Variants in CDON observed in about 807,000 individuals in gnomAD.
CDON encodes cell adhesion associated, oncogene regulated.
CDON carries 73 observed loss-of-function variants against 120.9 expected under a neutral mutation model. The ratio of observed to expected loss-of-function variants is 0.60; its 90% CI spans 0.50 to 0.73. The LOEUF is 0.73. CDON is among the 30% of genes least tolerant of loss of function. The pLI, the probability that CDON is intolerant of heterozygous loss-of-function variation, is 0.00. For missense variants in CDON, 1,470 were observed against 1,587.3 expected, an observed-to-expected ratio of 0.93 and a Z score of 1.26; for synonymous variants, 566 against 573.5, an observed-to-expected ratio of 0.99 and a Z score of 0.19.
At chr11:126,019,889 AGAGGGC>A in intron 3 of CDON, 124 bp from the exon 4 acceptor site, 1 of 796,620 alleles carries the variant, frequency 1.3e-6, no homozygotes, top group Non-Finnish European at 2.1e-6. Flanking sequence ...ACCCCAGTCC[AGAGGGC>A]TGCATGATCT....
At chr11:126,029,230 C>A (rs896292990) in intron 1 of CDON, among the ~76,000 whole-genome samples, 1 of 152,090 alleles carries the variant, frequency 6.6e-6, no homozygotes, top group African/African-American at 2.4e-5. Context: ...TCTAAAGTTA[C>A]ATAAAAGTAA....
In CDON at chr11:125,961,108, G is replaced by A; in HGVS notation, c.3632-3C>T. 6.2e-7 allele frequency: 1 copy of A among 1,613,458 alleles called. No individual in the cohort carries two copies. Among genetic ancestry groups the A allele is most frequent in the Non-Finnish European group, 8.5e-7 (1 of 1,179,570 alleles). ...TTCTGAATGGGCACAGCTGTCTCCT[G>A]AAACACAGCAGGGTTTGGGAGCATT... On this transcript the variant is annotated splice_polypyrimidine_tract_variant and splice_region_variant and intron_variant, in intron 19 of 19. Transcript: ENST00000531738.
chr11:126,004,481 AATATT>A (rs140978388), intron 9 of CDON: 55,433 of 211,226 alleles, frequency 0.26, 7,594 homozygotes, highest in South Asian at 0.32. Flanking sequence ...AAATTAAGAC[AATATT>A]ATATTATGTT....
chr11:125,989,814 A>G (rs1946579243), intron 14 of CDON, 55 bp from the exon 15 acceptor site: 5 of 1,532,532 alleles, frequency 3.3e-6, no homozygotes, highest in Middle Eastern at 1.7e-4. Flanking sequence ...GATAATGTCA[A>G]TATAATTAGT....
At chr11:125,961,338 A>G (rs559171262) in intron 19 of CDON, among the ~76,000 whole-genome samples, 2 of 152,324 alleles carry the variant, frequency 1.3e-5, no homozygotes, top group African/African-American at 4.8e-5. Flanking sequence ...GCAACCCCTT[A>G]AAAGCCCTAA....
chr11:126,003,502 T>C (rs935618599), intron 10 of CDON, among the ~76,000 whole-genome samples: 3 of 152,242 alleles, frequency 2.0e-5, no homozygotes, highest in Middle Eastern at 3.4e-3. Context: ...GTTTAGTGAA[T>C]TTACATATAG....
At chr11:126,021,186 A>G in intron 3 of CDON, 62 bp downstream of exon 3, 2 of 1,553,404 alleles carry the variant, frequency 1.3e-6, no homozygotes, top group Non-Finnish European at 1.8e-6. Context: ...CTCTTCAGAA[A>G]TATAAGCACT....
rs1947497589 is a variant in CDON, at chr11:126,017,292, C to G, written c.724G>C (p.Glu242Gln). ...GCCGGGACCCCACTCACCACACACT[C>G]CAAGGTTACAGGGCTACGAGAAAGA... ...AVLSRSPVTL[E>Q]CVVSGVPAPQ... The change falls in exon 6 of 20, where the codon GAG becomes CAG. Residue 242 changes from glutamate to glutamine, a missense_variant. Coordinates refer to ENST00000531738, the MANE Select transcript of CDON (RefSeq NM_001378964.1). 1 of 1,614,114 alleles carries G rather than the reference C, an allele frequency of 6.2e-7. No homozygotes were observed. The highest frequency in any genetic ancestry group is 8.5e-7 in the Non-Finnish European group (1 of 1,180,030).
At chr11:126,053,851 T>C (rs1948626382) in intron 1 of CDON, among the ~76,000 whole-genome samples, 2 of 151,900 alleles carry the variant, frequency 1.3e-5, no homozygotes, top group South Asian at 4.1e-4. Flanking sequence ...CCACGCTCAC[T>C]CCCTAATTGT....
Position 125,981,405 on chromosome 11 carries a change from T to C in CDON, c.2996-76A>G, listed in dbSNP as rs624070. The C allele has an allele frequency of 0.54, 791,123 of 1,462,150 alleles. 217,081 individuals are homozygous for C. Among genetic ancestry groups the C allele is most frequent in the African/African-American group, 0.66 (46,988 of 71,272 alleles). 90.6% of individuals were successfully genotyped at this position (1,462,150 alleles called of 1,614,324 possible). ...ACACATGCACATACGCACACACGCA[T>C]GCACACATGCACATACGCACACACG... On this transcript the variant is annotated intron_variant, in intron 16 of 19. Transcript: ENST00000531738.
chr11:126,021,440 G>A lies in CDON; in HGVS notation c.157C>T (p.Gln53Ter). Residue 53 changes from glutamine to a stop codon, truncating the protein, a stop_gained, in exon 3 of 20, where the codon CAA (glutamine) becomes TAA (stop). Transcript: ENST00000531738. LOFTEE classifies it high-confidence loss of function. ...GGPVVLHCSA[Q>*]PVTTRISWLH... is the part of the protein sequence containing the mutation. ...CATGAGATACGAGTGGTCACAGGTT[G>A]AGCAGAACAATGCAGTACTACAGGT... 6.2e-7 allele frequency: 1 copy of A among 1,614,070 alleles called. No individual in the cohort carries two copies. Among genetic ancestry groups the A allele is most frequent in the Non-Finnish European group, 8.5e-7 (1 of 1,179,988 alleles).
rs375468390 is a variant in CDON at position 125,981,360 on chromosome 11, G to GCACA, written c.2996-35_2996-32dup. ...AAAAGAGAACAAAAAAGACACACACGCACACACACACACGCACGCACACAT... is the reference window on the plus strand; with the variant it reads ...AAAAGAGAACAAAAAAGACACACACGCACACACACACACACACGCACGCACACAT... On this transcript the variant is annotated intron_variant, in intron 16 of 19. Coordinates refer to ENST00000531738, the MANE Select transcript of CDON (RefSeq NM_001378964.1). 28 of 1,351,508 alleles carry GCACA rather than the reference G, an allele frequency of 2.1e-5. No homozygotes were observed. In the South Asian group the frequency reaches 2.7e-4, roughly 13 times the overall value. The allele number at this position is 1,351,508 out of a possible 1,614,324, so 83.7% of individuals were successfully genotyped here. A position where few individuals can be genotyped will look rare whatever the true frequency, so the allele number is the denominator to read the frequency against.
At chr11:126,023,333 C>G (rs1292309181) in intron 2 of CDON, 68 bp downstream of exon 2, 42 of 999,542 alleles carry the variant, frequency 4.2e-5, no homozygotes, top group African/African-American at 6.4e-5. Flanking sequence ...CATTGAAGTA[C>G]AAATTTATGT....
At chr11:125,994,569 C>G (rs746146735) in intron 13 of CDON, among the ~76,000 whole-genome samples, 180 bp from the exon 14 acceptor site, 13 of 152,126 alleles carry the variant, frequency 8.5e-5, no homozygotes, top group Non-Finnish European at 1.9e-4. Context: ...CGAGGTTAAA[C>G]AGAAATAAGG....
intron 18 of CDON, among the ~76,000 whole-genome samples, chr11:125,971,319 C>G (rs1163791992): frequency 2.0e-5 from 3 of 151,900 alleles, no homozygotes; most frequent in African/African-American, 4.8e-5. Context: ...GGAGGTGGAG[C>G]TTGCAGTGAG....
In CDON at chr11:125,957,906, G is replaced by T. The variant is rs1235098740; in HGVS notation, c.*3036C>A. 3 of 152,216 alleles carry T rather than the reference G, an allele frequency of 2.0e-5. No homozygotes were observed. Among genetic ancestry groups the T allele is most frequent in the Admixed American group, 2.0e-4 (3 of 15,280 alleles). 9.4% of individuals were successfully genotyped at this position (152,216 alleles called of 1,614,324 possible). On this transcript the variant is annotated 3_prime_UTR_variant, in exon 20 of 20. Coordinates refer to ENST00000531738, the MANE Select transcript of CDON (RefSeq NM_001378964.1). The stretch of plus-strand genomic sequence containing the variant: ...CGTGAAATGATACAGTGGGAGCGGG[G>T]CAGTTTATGCTAAAACAATCACACA...
chr11:125,997,157 G>C (rs770586643), intron 12 of CDON, 50 bp downstream of exon 12: 7 of 1,302,160 alleles, frequency 5.4e-6, no homozygotes, highest in Non-Finnish European at 7.8e-6. Context: ...ATAAATATAT[G>C]GATCTAAAGT....
Position 126,062,837 on chromosome 11 carries a change from C to T in CDON, c.-320G>A, listed in dbSNP as rs1948839004. On this transcript the variant is annotated 5_prime_UTR_variant, in exon 1 of 20. Coordinates refer to ENST00000531738, the MANE Select transcript of CDON (RefSeq NM_001378964.1). Reference sequence around the variant, plus strand: ...TAGCCGCGCGAGCCGGGCTCCCGGGCTCAGGGGAGGGGAGCTGAGGGGCGG... The same window carrying T: ...TAGCCGCGCGAGCCGGGCTCCCGGGTTCAGGGGAGGGGAGCTGAGGGGCGG... 1.3e-5 allele frequency: 2 copies of T among 151,700 alleles called. No individual in the cohort carries two copies. Among genetic ancestry groups the T allele is most frequent in the South Asian group, 4.1e-4 (2 of 4,838 alleles). The allele number at this position is 151,700 out of a possible 1,614,324, so 9.4% of individuals were successfully genotyped here. A position where few individuals can be genotyped will look rare whatever the true frequency, so the allele number is the denominator to read the frequency against.
chr11:126,023,074 T>C (rs1947684123), intron 2 of CDON, among the ~76,000 whole-genome samples: 1 of 152,238 alleles, frequency 6.6e-6, no homozygotes, highest in Non-Finnish European at 1.5e-5. Flanking sequence ...GTCCGCATTT[T>C]ATTCCTGTTC....
Sources: allele counts gnomAD v4.1 joint callset (sites outside exome capture counted in the v4.1 genomes callset), GRCh38; gene constraint gnomAD v4.1.1; transcripts MANE v1.5; gene names NCBI Gene and HGNC (gene_info 2026-07-23, HGNC 2026-07-21).